CACHD1: variants seen among roughly 807,000 people sequenced by gnomAD.
CACHD1 encodes cache domain containing 1, also known as VWFA and cache domain-containing protein 1.
Under a neutral mutation model 138.7 loss-of-function variants are expected in CACHD1, and 71 were observed. That is an observed-to-expected ratio of 0.51 (90% CI 0.42 to 0.62). The LOEUF (loss-of-function observed/expected upper bound fraction) is 0.62, where lower values mean the gene tolerates loss of function less well. CACHD1 is among the 20% of genes least tolerant of loss of function. CACHD1 has a pLI of 0.00. For synonymous variants in CACHD1, 578 were observed against 591.5 expected, an observed-to-expected ratio of 0.98 and a Z score of 0.33; for missense variants, 1,389 against 1,625.3, an observed-to-expected ratio of 0.85 and a Z score of 2.50.
At chr1:64,663,936 A>G in intron 14 of CACHD1, 99 bp downstream of exon 14, 3 of 1,474,088 alleles carry the variant, frequency 2.0e-6, no homozygotes, top group Non-Finnish European at 2.8e-6. Flanking sequence ...CCAGCTCTGC[A>G]TCTGTGCCTC....
At chr1:64,603,136 ACT>A (rs1162626721) in intron 4 of CACHD1, among the ~76,000 whole-genome samples, 7 of 114,002 alleles carry the variant, frequency 6.1e-5, no homozygotes, top group Non-Finnish European at 9.9e-5. Flanking sequence ...AAACAGTCTC[ACT>A]CTGTTGCCCA....
intron 19 of CACHD1, among the ~76,000 whole-genome samples, chr1:64,674,085 GT>G (rs11346887): frequency 0.82 from 124,419 of 151,962 alleles, 52,549 homozygotes; most frequent in Non-Finnish European, 0.94. Flanking sequence ...CAGGAAGTAG[GT>G]TTTTTATTTA....
intron 3 of CACHD1, among the ~76,000 whole-genome samples, chr1:64,584,942 T>C (rs1022310357): frequency 6.6e-6 from 1 of 152,170 alleles, no homozygotes; most frequent in Non-Finnish European, 1.5e-5. Context: ...ATAGGTTGTA[T>C]TGGAAATGAT....
At chr1:64,652,086 A>AC in intron 9 of CACHD1, 75 bp from the exon 10 acceptor site, 1 of 1,300,568 alleles carries the variant, frequency 7.7e-7, no homozygotes, top group South Asian at 1.5e-5. Context: ...TTCATGATTC[A>AC]CCGGAGCACA....
intron 1 of CACHD1, among the ~76,000 whole-genome samples, chr1:64,482,839 A>G (rs772345001): frequency 1.3e-5 from 2 of 152,206 alleles, no homozygotes; most frequent in Non-Finnish European, 2.9e-5. Context: ...AAGCAGTAAA[A>G]CATCCTGGAG....
intron 26 of CACHD1, among the ~76,000 whole-genome samples, chr1:64,685,499 G>A (rs1172766894): frequency 6.6e-6 from 1 of 152,106 alleles, no homozygotes; most frequent in Non-Finnish European, 1.5e-5. Flanking sequence ...TTGGTGTAGA[G>A]GAAGAGCTTA....
chr1:64,634,285 T>A, intron 7 of CACHD1, 25 bp downstream of exon 7: 1 of 1,570,984 alleles, frequency 6.4e-7, no homozygotes, highest in Non-Finnish European at 8.8e-7. Context: ...TCAGAGGACT[T>A]AGAGGCATAG....
In CACHD1 at chr1:64,679,709, A is replaced by G. The variant is rs1402513288; in HGVS notation, c.3359A>G (p.Gln1120Arg). 3 of 1,614,156 alleles carry G rather than the reference A, an allele frequency of 1.9e-6. No homozygotes were observed. Among genetic ancestry groups the G allele is most frequent in the Non-Finnish European group, 2.5e-6 (3 of 1,180,028 alleles). Reference protein sequence around the residue: ...LVLAVYAYRHQIHRRSHQHMS... With the variant: ...LVLAVYAYRHRIHRRSHQHMS... The stretch of plus-strand genomic sequence containing the variant: ...CTGGCGGTGTATGCCTACCGCCACC[A>G]GATTCATCGCCGGAGCCATCAGCAT... The change falls in exon 24 of 27, where the codon CAG (glutamine) becomes CGG (arginine). Residue 1120 changes from glutamine (Q) to arginine (R), a missense_variant. By Grantham distance (43) the Gln-to-Arg change is conservative. Coordinates refer to ENST00000651257, the MANE Select transcript of CACHD1 (RefSeq NM_020925.4).
intron 1 of CACHD1, among the ~76,000 whole-genome samples, chr1:64,543,889 T>TG (rs34447664): frequency 7.2e-6 from 1 of 138,838 alleles, no homozygotes; most frequent in Non-Finnish European, 1.5e-5. Context: ...TTTTTTTTTT[T>TG]GGTAGAAACA....
At chr1:64,680,128 C>T (rs1650123206) in intron 24 of CACHD1, among the ~76,000 whole-genome samples, 1 of 152,212 alleles carries the variant, frequency 6.6e-6, no homozygotes, top group Non-Finnish European at 1.5e-5. Context: ...AGAATATAAT[C>T]TGTTCGATTG....
intron 1 of CACHD1, among the ~76,000 whole-genome samples, chr1:64,550,018 A>G (rs538954268): frequency 5.9e-5 from 9 of 152,146 alleles, no homozygotes; most frequent in African/African-American, 2.2e-4. Flanking sequence ...GTTTGGCCTA[A>G]TGTCTTGGCA....
At chr1:64,680,323 T>C (rs1171559959) in intron 24 of CACHD1, among the ~76,000 whole-genome samples, 7 of 152,090 alleles carry the variant, frequency 4.6e-5, no homozygotes. Flanking sequence ...ACCCCGCCTC[T>C]ACTAAAAATA....
At chr1:64,688,422 G>A (rs1360433656) in intron 26 of CACHD1, among the ~76,000 whole-genome samples, 1 of 152,022 alleles carries the variant, frequency 6.6e-6, no homozygotes, top group East Asian at 1.9e-4. Flanking sequence ...CTGGGTAAGG[G>A]CATCACTATT....
At position 64,602,839 on chromosome 1, in the gene CACHD1, A is replaced by G. The variant is rs1647236286; in HGVS notation, c.444A>G (p.Arg148=). The G allele has an allele frequency of 2.5e-6, 4 of 1,613,252 alleles. No individual in the cohort carries two copies. The highest frequency in any genetic ancestry group is 1.7e-5 in the Admixed American group (1 of 59,914). Residue 148 remains arginine (R), a synonymous_variant, in exon 4 of 27, where the codon AGA becomes AGG. Coordinates refer to ENST00000651257, the MANE Select transcript of CACHD1 (RefSeq NM_020925.4). ...FDGNFNTNVS[R]TISCDRLSTT... Reference sequence around the variant, plus strand: ...GGAACTTTAATACCAATGTGTCTAGAACAATTAGTTGTGATCGACTTTCTA... The same window carrying G: ...GGAACTTTAATACCAATGTGTCTAGGACAATTAGTTGTGATCGACTTTCTA...
At chr1:64,652,822 GA>G (rs1197974903) in intron 10 of CACHD1, among the ~76,000 whole-genome samples, 2 of 152,222 alleles carry the variant, frequency 1.3e-5, no homozygotes, top group Non-Finnish European at 1.5e-5. Context: ...AGCCATTGTG[GA>G]AAGCAGTGTG....
At chr1:64,599,962 GTTC>G (rs1410468671) in intron 3 of CACHD1, among the ~76,000 whole-genome samples, 6 of 152,100 alleles carry the variant, frequency 3.9e-5, no homozygotes, top group African/African-American at 7.2e-5. Flanking sequence ...TGAGTTGCAA[GTTC>G]TTCTTTATTT....
intron 3 of CACHD1, among the ~76,000 whole-genome samples, chr1:64,591,784 G>A (rs1203660971): frequency 1.3e-5 from 2 of 152,226 alleles, no homozygotes; most frequent in Non-Finnish European, 2.9e-5. Flanking sequence ...TTGGAAGAGG[G>A]AGGAATCATA....
intron 8 of CACHD1, among the ~76,000 whole-genome samples, chr1:64,646,986 A>G (rs1648927493): frequency 6.6e-6 from 1 of 151,766 alleles, no homozygotes; most frequent in African/African-American, 2.4e-5. Flanking sequence ...GACTGAAATC[A>G]TTTTGAATTT....
rs915706137 is a variant in CACHD1, at chr1:64,664,595, G to A, written c.2192G>A (p.Arg731His). The change falls in exon 15 of 27, where the codon CGT (arginine) becomes CAT (histidine). Residue 731 changes from arginine (R) to histidine (H), a missense_variant. By Grantham distance (29) the Arg-to-His change is conservative. Transcript: ENST00000651257. ...AGCCTGAACACTTACATTGTCCGCC[G>A]TTACATAGCAACACCCAATGGCGTC... is the stretch of plus-strand genomic sequence containing the variant. ...MSSLNTYIVR[R>H]YIATPNGVLR... is the part of the protein sequence containing the mutation. 21 of 1,614,056 alleles carry A rather than the reference G, an allele frequency of 1.3e-5. No individual in the cohort carries two copies. Among genetic ancestry groups the A allele is most frequent in the East Asian group, 2.2e-5 (1 of 44,900 alleles).
Sources: allele counts gnomAD v4.1 joint callset (sites outside exome capture counted in the v4.1 genomes callset), GRCh38; gene constraint gnomAD v4.1.1; transcripts MANE v1.5; gene names NCBI Gene and HGNC (gene_info 2026-07-23, HGNC 2026-07-21).